The following GABRA2 variants were observed in gnomAD, a reference collection of about 807,000 sequenced individuals.
GABRA2 encodes the protein gamma-aminobutyric acid type A receptor subunit alpha2.
A neutral mutation model predicts 48.7 loss-of-function variants in GABRA2; 16 were observed. The observed-to-expected ratio is 0.33, with a 90% CI of 0.22 to 0.50. The LOEUF (loss-of-function observed/expected upper bound fraction) is 0.50, where lower values mean the gene tolerates loss of function less well. GABRA2 is among the 20% of genes least tolerant of loss of function. GABRA2 has a pLI of 0.98. For missense variants in GABRA2, 275 were observed against 535.6 expected (o/e 0.51, Z 4.80); for synonymous variants, 185 against 184.5 (o/e 1.00, Z -0.02).
At chr4:46,329,956 G>A (rs992376383) in intron 4 of GABRA2, among the ~76,000 whole-genome samples, 2 of 151,976 alleles carry the variant, frequency 1.3e-5, no homozygotes, top group African/African-American at 2.4e-5. Context: ...AAAATGTCTA[G>A]GGCCTTCAAG....
intron 8 of GABRA2, among the ~76,000 whole-genome samples, chr4:46,289,832 C>CT (rs1304940267): frequency 6.6e-6 from 1 of 151,644 alleles, no homozygotes; most frequent in Non-Finnish European, 1.5e-5. Context: ...ATTACTGTAG[C>CT]TTTGTAGTAG....
intron 4 of GABRA2, among the ~76,000 whole-genome samples, chr4:46,329,286 G>T (rs1037835701): frequency 5.3e-5 from 8 of 152,038 alleles, no homozygotes; most frequent in Admixed American, 5.3e-4. Context: ...GTCAGGTTTT[G>T]TCAATAGAGG....
intron 4 of GABRA2, among the ~76,000 whole-genome samples, chr4:46,322,889 G>A (rs985035342): frequency 1.7e-4 from 26 of 151,960 alleles, no homozygotes; most frequent in African/African-American, 5.8e-4. Flanking sequence ...CCTTAAATTC[G>A]CAGGTGTCAA....
At chr4:46,293,792 C>T (rs1724126162) in intron 8 of GABRA2, among the ~76,000 whole-genome samples, 1 of 152,152 alleles carries the variant, frequency 6.6e-6, no homozygotes, top group Admixed American at 6.6e-5. Flanking sequence ...ATTAGTGCCA[C>T]CATCAAGGAC....
intron 8 of GABRA2, among the ~76,000 whole-genome samples, chr4:46,279,590 C>T (rs554145562): frequency 6.6e-6 from 1 of 152,104 alleles, no homozygotes; most frequent in East Asian, 1.9e-4. Flanking sequence ...CATAAAAAAT[C>T]TTACGTGGAA....
chr4:46,379,814 C>G (rs903832592), intron 3 of GABRA2, among the ~76,000 whole-genome samples: 14 of 152,208 alleles, frequency 9.2e-5, no homozygotes, highest in African/African-American at 3.1e-4. Flanking sequence ...GGAGTTTACT[C>G]TGCCTTCATC....
chr4:46,339,373 A>G (rs1163275647), intron 3 of GABRA2, among the ~76,000 whole-genome samples: 1 of 151,836 alleles, frequency 6.6e-6, no homozygotes. Flanking sequence ...ATATCCTCCC[A>G]ATAGAAGTTA....
chr4:46,274,741 A>T (rs1720149636), intron 8 of GABRA2, among the ~76,000 whole-genome samples: 1 of 152,102 alleles, frequency 6.6e-6, no homozygotes, highest in South Asian at 2.1e-4. Flanking sequence ...TTATCTCTAA[A>T]ATGGGAATTA....
At position 46,332,697 on chromosome 4, in the gene GABRA2, G is replaced by T; in HGVS notation, c.188-15C>A. The T allele has an allele frequency of 7.1e-7, 1 of 1,418,038 alleles. No homozygotes were observed. Among genetic ancestry groups the T allele is most frequent in the African/African-American group, 1.4e-5 (1 of 71,470 alleles). The allele number at this position is 1,418,038 out of a possible 1,614,324, so 87.8% of individuals were successfully genotyped here. The stretch of plus-strand genomic sequence containing the variant: ...AGTAATACTGTCTAATATGAGAAAA[G>T]AGATTGAATATAGATATTATATAAT... On this transcript the variant is annotated splice_polypyrimidine_tract_variant and intron_variant, in intron 3 of 9. Transcript: ENST00000381620.
rs146274569 is a variant in GABRA2 at position 46,315,940 on chromosome 4, T to TACAC, written c.256-3225_256-3224insGTGT. Among the ~76,000 whole-genome samples, 944 of 149,492 alleles carry TACAC rather than the reference T, an allele frequency of 6.3e-3. 3 individuals are homozygous for TACAC. Among genetic ancestry groups the TACAC allele is most frequent in the African/African-American group, 0.012 (502 of 40,816 alleles). ...CATGTACTTTCACATTTAGTACATA[T>TACAC]ATACACACACACACACACACACACA... On this transcript the variant is annotated intron_variant, in intron 4 of 9. Coordinates refer to ENST00000381620, the MANE Select transcript of GABRA2 (RefSeq NM_000807.4).
chr4:46,252,448 G>A lies in GABRA2; in HGVS notation c.1060-1844C>T, dbSNP rs1022993802. ...TGACATCTCTGACAAACCTCACTAC[G>A]GGATAGGAAGTTCCTTTATTAACCC... On this transcript the variant is annotated intron_variant, in intron 9 of 9. Transcript: ENST00000381620. 1.2e-3 allele frequency among the ~76,000 whole-genome samples: 184 copies of A among 151,268 alleles called. 4 individuals are homozygous for A. The highest frequency in any genetic ancestry group is 1.7e-3 in the Admixed American group (25 of 15,110).
In GABRA2 at chr4:46,248,636, G is replaced by A. The variant is rs1201122944; in HGVS notation, c.*1672C>T. ...CAAAGAAATTTTAAAAATTAAATGA[G>A]GCAAAGGAATAGCAATTTTTGCTGA... On this transcript the variant is annotated 3_prime_UTR_variant, in exon 10 of 10. Transcript: ENST00000381620. 12 of 151,188 alleles carry A rather than the reference G, an allele frequency of 7.9e-5. No individual in the cohort carries two copies. In the Admixed American group the frequency reaches 8.0e-4, roughly 10 times the overall value. The allele number at this position is 151,188 out of a possible 1,614,324, so 9.4% of individuals were successfully genotyped here. A position where few individuals can be genotyped will look rare whatever the true frequency, so the allele number is the denominator to read the frequency against.
Position 46,375,641 on chromosome 4 carries a change from A to G in GABRA2, c.187+10433T>C, listed in dbSNP as rs551324070. ...ATCATAATTCTCTGCCTCACAGTAA[A>G]TATACCAGAAATCACTCTTCCCTTT... On this transcript the variant is annotated intron_variant, in intron 3 of 9. Coordinates refer to ENST00000381620, the MANE Select transcript of GABRA2 (RefSeq NM_000807.4). Among the ~76,000 whole-genome samples, 558 of 152,304 alleles carry G rather than the reference A, an allele frequency of 3.7e-3. 5 individuals carry two copies. Among genetic ancestry groups the G allele is most frequent in the Non-Finnish European group, 3.5e-3 (237 of 68,034 alleles).
intron 8 of GABRA2, among the ~76,000 whole-genome samples, chr4:46,278,685 G>A (rs921291693): frequency 1.3e-5 from 2 of 152,000 alleles, no homozygotes; most frequent in Non-Finnish European, 2.9e-5. Flanking sequence ...TTCATATAAT[G>A]AGTATGTGAG....
intron 5 of GABRA2, among the ~76,000 whole-genome samples, chr4:46,311,091 TC>T (rs911425627): frequency 2.6e-5 from 4 of 152,210 alleles, no homozygotes; most frequent in African/African-American, 9.6e-5. Flanking sequence ...ATTATATATG[TC>T]CTGTGCCTGC....
At chr4:46,369,496 C>A (rs569258186) in intron 3 of GABRA2, among the ~76,000 whole-genome samples, 2 of 152,100 alleles carry the variant, frequency 1.3e-5, no homozygotes, top group Admixed American at 1.3e-4. Context: ...ATATTTAGTT[C>A]TTGCAGCTTG....
chr4:46,364,010 A>C (rs1713644846), intron 3 of GABRA2: 1 of 152,198 alleles, frequency 6.6e-6, no homozygotes, highest in Non-Finnish European at 1.5e-5. Flanking sequence ...ACTCAGAAAT[A>C]AGATATTTTG....
rs191826178 is a variant in GABRA2, at chr4:46,338,824, C to T, written c.188-6142G>A. Among the ~76,000 whole-genome samples the T allele has an allele frequency of 3.3e-5, 5 of 151,912 alleles. No individual in the cohort carries two copies. The East Asian group carries it at 9.7e-4, about 29-fold the overall frequency. On this transcript the variant is annotated intron_variant, in intron 3 of 9. Coordinates refer to ENST00000381620, the MANE Select transcript of GABRA2 (RefSeq NM_000807.4). ...ACCCATTTCTGACCTTCTAGTCTTA[C>T]TATTTTCTTGGAGTTTGAGAGTATA...
At chr4:46,260,782 T>C (rs1034578802) in intron 9 of GABRA2, 1 of 152,066 alleles carries the variant, frequency 6.6e-6, no homozygotes, top group South Asian at 2.1e-4. Flanking sequence ...TTCCTTTTAA[T>C]ATTTATTTGT....
Sources: allele counts gnomAD v4.1 joint callset (sites outside exome capture counted in the v4.1 genomes callset), GRCh38; gene constraint gnomAD v4.1.1; transcripts MANE v1.5; gene names NCBI Gene and HGNC (gene_info 2026-07-23, HGNC 2026-07-21).